The following NCOR2 variants were observed in gnomAD, a reference collection of about 807,000 sequenced individuals.
NCOR2 encodes nuclear receptor corepressor 2.
In NCOR2, 81 loss-of-function variants were observed where a neutral mutation model predicts 262.9. The ratio of observed to expected loss-of-function variants is 0.31; its 90% confidence interval spans 0.26 to 0.37. The LOEUF (loss-of-function observed/expected upper bound fraction) is 0.37, where lower values mean the gene tolerates loss of function less well. NCOR2 is among the 10% of genes least tolerant of loss of function. The pLI is 1.00. For synonymous variants in NCOR2, 1,659 were observed against 1,559.3 expected (o/e 1.06, Z -1.51); for missense variants, 3,385 against 3,621.4 (o/e 0.93, Z 1.68).
chr12:124,501,935 A>T (rs898182611), intron 1 of NCOR2, among the ~76,000 whole-genome samples: 1 of 152,112 alleles, frequency 6.6e-6, no homozygotes, highest in Non-Finnish European at 1.5e-5. Context: ...GCCCGGGGGG[A>T]ACTCTGGGAC....
intron 13 of NCOR2, among the ~76,000 whole-genome samples, chr12:124,411,937 T>C (rs145174834): frequency 2.0e-5 from 3 of 152,292 alleles, no homozygotes; most frequent in East Asian, 3.9e-4. Flanking sequence ...GTGGAGGGGC[T>C]AGCATTCCAA....
At chr12:124,381,584 TAGAC>T (rs1293494047) in intron 17 of NCOR2, among the ~76,000 whole-genome samples, 1 of 152,218 alleles carries the variant, frequency 6.6e-6, no homozygotes, top group Non-Finnish European at 1.5e-5. Context: ...ATGAACCTGA[TAGAC>T]AGTGACAATG....
intron 13 of NCOR2, among the ~76,000 whole-genome samples, chr12:124,413,419 TAAATGCCCCCGGATGAAC>T (rs1231018209): frequency 6.6e-6 from 1 of 152,138 alleles, no homozygotes; most frequent in Non-Finnish European, 1.5e-5. Flanking sequence ...AGGCACTGAA[TAAATGCCCCCGGATGAAC>T]ATGCATATAC....
chr12:124,340,788 G>C (rs767066724), intron 34 of NCOR2, 37 bp from the exon 37 acceptor site: 3 of 1,475,252 alleles, frequency 2.0e-6, no homozygotes, highest in East Asian at 2.5e-5. Flanking sequence ...TAGCCACAGG[G>C]AGGAGAGAGG....
At chr12:124,326,163 C>T in intron 46 of NCOR2, 28 bp downstream of exon 48, 7 of 1,478,654 alleles carry the variant, frequency 4.7e-6, no homozygotes, top group Non-Finnish European at 5.4e-6. Flanking sequence ...GCTCAGCGAG[C>T]CCAGCCCTGT....
intron 1 of NCOR2, among the ~76,000 whole-genome samples, chr12:124,533,481 G>T (rs946228061): frequency 6.6e-6 from 1 of 151,730 alleles, no homozygotes; most frequent in Non-Finnish European, 1.5e-5. Flanking sequence ...CCACCCACAG[G>T]CTCCCCAGAC....
At chr12:124,354,539 G>T in exon 26 of NCOR2, 1 of 1,598,070 alleles carries the variant, frequency 6.3e-7, no homozygotes, top group East Asian at 2.2e-5. Context: ...GCCCAGCCTG[G>T]CCCCGTGGGG....
intron 1 of NCOR2, among the ~76,000 whole-genome samples, chr12:124,505,669 G>GA (rs2049002472): frequency 6.6e-6 from 1 of 152,068 alleles, no homozygotes; most frequent in Non-Finnish European, 1.5e-5. Context: ...AGATTCACTG[G>GA]AAAAAAGAGC....
rs201100257 is a variant in NCOR2, at chr12:124,327,426, T to C, written c.7166A>G (p.His2389Arg). 4.7e-5 allele frequency: 75 copies of C among 1,610,782 alleles called. No homozygotes were observed. The African/African-American group carries it at 7.1e-4, about 15-fold the overall frequency. The change falls in exon 45 of 47, where the codon CAC becomes CGC. Residue 2389 changes from histidine to arginine, a missense_variant. Physicochemically the swap from His to Arg is conservative, Grantham distance 29. This residue lies in a region of NCOR2 where 1,017 missense variants were observed against 967.2 expected (regional missense o/e 1.05). Transcript: ENST00000405201. Reference sequence around the variant, plus strand: ...CTGCAGACCTGGCGAGGTGAGTGTGTGGTCACTCCGTCCGTCAGCAGCGGT... The same window carrying C: ...CTGCAGACCTGGCGAGGTGAGTGTGCGGTCACTCCGTCCGTCAGCAGCGGT...
chr12:124,401,919 G>A (rs894339859), intron 14 of NCOR2, among the ~76,000 whole-genome samples: 1 of 152,172 alleles, frequency 6.6e-6, no homozygotes, highest in South Asian at 2.1e-4. Flanking sequence ...GGCTGTCACG[G>A]CCCCCGCGGT....
chr12:124,365,612 C>T (rs571454549), intron 20 of NCOR2, among the ~76,000 whole-genome samples: 4 of 152,326 alleles, frequency 2.6e-5, no homozygotes, highest in East Asian at 3.9e-4. Context: ...GACACAGACT[C>T]GGTGATGCCT....
intron 1 of NCOR2, among the ~76,000 whole-genome samples, chr12:124,558,873 G>T (rs701027): frequency 6.6e-6 from 1 of 151,936 alleles, no homozygotes; most frequent in South Asian, 2.1e-4. Context: ...CACCGCCAGG[G>T]AAACTGAGGA....
Position 124,501,642 on chromosome 12 carries a change from C to T in NCOR2, c.-117-6274G>A, listed in dbSNP as rs1046197199. Among the ~76,000 whole-genome samples the T allele has an allele frequency of 5.1e-4, 77 of 152,198 alleles. 1 individual carries two copies. The highest frequency in any genetic ancestry group is 7.3e-5 in the Non-Finnish European group (5 of 68,040). The stretch of plus-strand genomic sequence containing the variant: ...CTGCATCTCCTGTCTCTGTGTCTCC[C>T]CTTCTTCTAAGGGCACCCGTCATAT... On this transcript the variant is annotated intron_variant, in intron 1 of 46. Coordinates refer to the NCOR2 transcript ENST00000404621.
In NCOR2 at chr12:124,463,217, C is replaced by G. The variant is rs113382941; in HGVS notation, c.705+2956G>C. 3.8e-3 allele frequency among the ~76,000 whole-genome samples: 580 copies of G among 152,370 alleles called. 5 individuals carry two copies. Among genetic ancestry groups the G allele is most frequent in the African/African-American group, 0.013 (549 of 41,592 alleles). On this transcript the variant is annotated intron_variant, in intron 5 of 46. Coordinates refer to ENST00000405201, the Ensembl canonical transcript of NCOR2. ...AGTGCGTGCCTTGTCCCGGAACCAA[C>G]AGGCTCCTACCTCGTGCCCACCACC...
At chr12:124,387,878 T>A (rs1485147310) in intron 16 of NCOR2, among the ~76,000 whole-genome samples, 3 of 143,736 alleles carry the variant, frequency 2.1e-5, no homozygotes, top group Non-Finnish European at 3.0e-5. Context: ...GGGGCGGGTC[T>A]CCCATCTGGG....
chr12:124,518,366 C>T (rs934176749), intron 1 of NCOR2: 3 of 152,372 alleles, frequency 2.0e-5, no homozygotes, highest in Non-Finnish European at 4.4e-5. Context: ...GGCGGCCTCA[C>T]CTTCCCGCGA....
intron 1 of NCOR2, among the ~76,000 whole-genome samples, chr12:124,492,955 A>AG (rs557635143): frequency 4.9e-4 from 75 of 151,984 alleles, no homozygotes; most frequent in African/African-American, 1.8e-3. Context: ...TCCCCCAGGG[A>AG]GGAGCACACA....
In NCOR2 at chr12:124,566,007, T is replaced by C. The variant is rs1426416407; in HGVS notation, c.-165+1301A>G. Among the ~76,000 whole-genome samples the C allele has an allele frequency of 1.3e-5, 2 of 151,980 alleles. No homozygotes were observed. Among genetic ancestry groups the C allele is most frequent in the African/African-American group, 2.4e-5 (1 of 41,366 alleles). On this transcript the variant is annotated intron_variant, in intron 1 of 32. Transcript: ENST00000458234. The surrounding 1 kb of genome is among the most constrained non-coding windows in gnomAD (Gnocchi z 4.3). ...CCCGGAGAGCCCCTTATATCAAAGC[T>C]GCCGCAAGGACCCAGATCTGGCTGA...
Position 124,440,591 on chromosome 12 carries a change from GA to G in NCOR2, c.816-2596del, listed in dbSNP as rs2044750363. Among the ~76,000 whole-genome samples, 1 of 152,236 alleles carries G rather than the reference GA, an allele frequency of 6.6e-6. No homozygotes were observed. The highest frequency in any genetic ancestry group is 1.5e-5 in the Non-Finnish European group (1 of 68,036). Reference sequence around the variant, plus strand: ...TTCTGTTATTCAATAACTGTTTACTGAGCATCTACTATGTGCCAGGCACTGT... The same window carrying G: ...TTCTGTTATTCAATAACTGTTTACTGGCATCTACTATGTGCCAGGCACTGT... On this transcript the variant is annotated intron_variant, in intron 7 of 46. Coordinates refer to ENST00000405201, the Ensembl canonical transcript of NCOR2. This position sits in a 1 kb window ranked among gnomAD's most constrained non-coding sequence, Gnocchi z 5.7.
Sources: allele counts gnomAD v4.1 joint callset (sites outside exome capture counted in the v4.1 genomes callset), GRCh38; gene constraint gnomAD v4.1.1; regional missense constraint gnomAD v4.1.1; non-coding constraint Gnocchi (gnomAD v3.1); transcripts MANE v1.5; gene names NCBI Gene and HGNC (gene_info 2026-07-23, HGNC 2026-07-21).